Variants in TMBIM4 observed in about 807,000 individuals in gnomAD.
The protein encoded by TMBIM4 is protein lifeguard 4.
Under a neutral mutation model 27.7 loss-of-function variants are expected in TMBIM4, and 28 were observed. The observed-to-expected ratio is 1.01, with a 90% confidence interval of 0.75 to 1.38. TMBIM4 has a LOEUF of 1.38. TMBIM4 is among the 40% of genes most tolerant of loss of function. TMBIM4 has a pLI of 0.00. For missense variants in TMBIM4, 265 were observed against 277.5 expected, an observed-to-expected ratio of 0.95 and a Z score of 0.32; for synonymous variants, 115 against 113.1, an observed-to-expected ratio of 1.02 and a Z score of -0.11.
At position 66,153,339 on chromosome 12, in the gene TMBIM4, C is replaced by T. The variant is rs1291988035; in HGVS notation, c.206+1G>A. The T allele has an allele frequency of 1.3e-6, 2 of 1,510,030 alleles. No individual in the cohort carries two copies. The highest frequency in any genetic ancestry group is 1.8e-6 in the Non-Finnish European group (2 of 1,101,954). The allele number at this position is 1,510,030 out of a possible 1,614,324, so 93.5% of individuals were successfully genotyped here. On this transcript the variant is annotated splice_donor_variant, in intron 2 of 6. Coordinates refer to ENST00000358230, the MANE Select transcript of TMBIM4 (RefSeq NM_016056.4). LOFTEE classifies it high-confidence loss of function. ...TATTCATTACCATCTCATTACCTTA[C>T]CTCTCATGTACAAATGTCCGTACAG...
At chr12:66,164,334 G>C (rs1189154858) in intron 1 of TMBIM4, among the ~76,000 whole-genome samples, 2 of 152,142 alleles carry the variant, frequency 1.3e-5, no homozygotes, top group Non-Finnish European at 2.9e-5. Context: ...CTCAGGCAGA[G>C]AAAAGATAGT....
intron 1 of TMBIM4, among the ~76,000 whole-genome samples, chr12:66,159,474 A>T (rs560996022): frequency 1.3e-5 from 2 of 152,114 alleles, no homozygotes; most frequent in Non-Finnish European, 2.9e-5. Context: ...CCTCCAGTCC[A>T]GCATCTTGAC....
chr12:66,165,827 CCT>C (rs2052117163), intron 1 of TMBIM4, among the ~76,000 whole-genome samples: 1 of 152,026 alleles, frequency 6.6e-6, no homozygotes, highest in Non-Finnish European at 1.5e-5. Context: ...TGGATATTAG[CCT>C]CTTACAGGAT....
intron 1 of TMBIM4, chr12:66,169,270 A>C (rs1017464557): frequency 1.4e-6 from 1 of 700,018 alleles, no homozygotes. Context: ...GTAATAACTT[A>C]AAACACAATT....
At chr12:66,160,431 C>G (rs2052015389) in intron 1 of TMBIM4, 1 of 546,058 alleles carries the variant, frequency 1.8e-6, no homozygotes, top group Non-Finnish European at 3.2e-6. Context: ...CCCTGAGGCA[C>G]TATTTGAAGG....
At chr12:66,153,666 G>A (rs992068874) in intron 1 of TMBIM4, among the ~76,000 whole-genome samples, 1 of 151,784 alleles carries the variant, frequency 6.6e-6, no homozygotes, top group Non-Finnish European at 1.5e-5. Context: ...AAAAGCATGA[G>A]CCTAAAAAAA....
In TMBIM4 at chr12:66,145,951, GA is replaced by G. The variant is rs1285692472; in HGVS notation, c.353del (p.Phe118SerfsTer13). The G allele has an allele frequency of 6.6e-7, 1 of 1,506,168 alleles. No homozygotes were observed. Among genetic ancestry groups the G allele is most frequent in the African/African-American group, 1.4e-5 (1 of 71,758 alleles). 93.3% of individuals were successfully genotyped at this position (1,506,168 alleles called of 1,614,324 possible). A position where few individuals can be genotyped will look rare whatever the true frequency, so the allele number is the denominator to read the frequency against. ...EALTVAVVVTFYDVYIILQAF... is the reference protein window; with the variant it reads ...EALTVAVVVTXYDVYIILQAF... The stretch of plus-strand genomic sequence containing the variant: ...CTTGCAGAATAATATATACATCATA[GA>G]AAGTAACTGTAAAATTAAAACACTG... On this transcript the variant is annotated frameshift_variant, in exon 5 of 7. Transcript: ENST00000358230. LOFTEE classifies it high-confidence loss of function.
chr12:66,145,600 A>T (rs75752811), intron 5 of TMBIM4, among the ~76,000 whole-genome samples: 37 of 149,020 alleles, frequency 2.5e-4, no homozygotes, highest in Middle Eastern at 3.5e-3. Flanking sequence ...TGGAAAGCTT[A>T]TTTTTTTTTT....
chr12:66,163,430 T>C (rs955103708), intron 1 of TMBIM4, among the ~76,000 whole-genome samples: 5 of 152,150 alleles, frequency 3.3e-5, no homozygotes, highest in African/African-American at 1.2e-4. Flanking sequence ...CTCACATTTC[T>C]ACAGCGGGGG....
At chr12:66,143,625 T>C (rs11176059) in intron 5 of TMBIM4, among the ~76,000 whole-genome samples, 11,634 of 152,186 alleles carry the variant, frequency 0.076, 1,007 homozygotes, top group East Asian at 0.51. Flanking sequence ...TACCACAGGA[T>C]AATGATGTTG....
intron 3 of TMBIM4, among the ~76,000 whole-genome samples, chr12:66,148,376 T>G (rs183832163): frequency 6.6e-6 from 1 of 152,210 alleles, no homozygotes; most frequent in Non-Finnish European, 1.5e-5. Flanking sequence ...CATTCTCTCT[T>G]TCTTCCCTAA....
intron 1 of TMBIM4, chr12:66,169,219 G>A (rs1373771326): frequency 2.9e-6 from 2 of 695,936 alleles, no homozygotes; most frequent in Admixed American, 2.0e-5. Context: ...AGATGAAGCT[G>A]AGCATTTTAA....
intron 3 of TMBIM4, among the ~76,000 whole-genome samples, chr12:66,151,538 C>G (rs2051845677): frequency 6.6e-6 from 1 of 152,170 alleles, no homozygotes; most frequent in Non-Finnish European, 1.5e-5. Flanking sequence ...TGCACCCACC[C>G]AAGTATTCTT....
chr12:66,164,938 A>C (rs2052100743), intron 1 of TMBIM4, among the ~76,000 whole-genome samples: 1 of 152,252 alleles, frequency 6.6e-6, no homozygotes, highest in Admixed American at 6.5e-5. Flanking sequence ...ACTAACAATG[A>C]GAAGGTTGGA....
At chr12:66,153,225 C>G (rs961279276) in intron 2 of TMBIM4, 115 bp downstream of exon 2, 1 of 668,082 alleles carries the variant, frequency 1.5e-6, no homozygotes, top group Non-Finnish European at 2.5e-6. Context: ...GTAAATGAAC[C>G]TTTTTTACAT....
chr12:66,136,162 C>G lies in TMBIM4; in HGVS notation c.*1798G>C, dbSNP rs2051579020. ...CTTAGTTTAGTTTATTTATCTATCT[C>G]ATTTAATCCTTATAACAGCCCAATA... On this transcript the variant is annotated 3_prime_UTR_variant, in exon 7 of 7. Coordinates refer to ENST00000358230, the MANE Select transcript of TMBIM4 (RefSeq NM_016056.4). 1.3e-5 allele frequency: 2 copies of G among 149,844 alleles called. No individual in the cohort carries two copies. The highest frequency in any genetic ancestry group is 4.9e-5 in the African/African-American group (2 of 41,094). The allele number at this position is 149,844 out of a possible 1,614,324, so 9.3% of individuals were successfully genotyped here.
chr12:66,162,567 T>G (rs974921826), intron 1 of TMBIM4, among the ~76,000 whole-genome samples: 2 of 152,236 alleles, frequency 1.3e-5, no homozygotes, highest in African/African-American at 4.8e-5. Context: ...AGCCTGGTTT[T>G]ACCTAGCAGC....
At position 66,136,909 on chromosome 12, in the gene TMBIM4, G is replaced by A. The variant is rs2051586561; in HGVS notation, c.*1051C>T. 1 of 152,142 alleles carries A rather than the reference G, an allele frequency of 6.6e-6. No individual in the cohort carries two copies. Among genetic ancestry groups the A allele is most frequent in the African/African-American group, 2.4e-5 (1 of 41,436 alleles). The allele number at this position is 152,142 out of a possible 1,614,324, so 9.4% of individuals were successfully genotyped here. A position where few individuals can be genotyped will look rare whatever the true frequency, so the allele number is the denominator to read the frequency against. ...GTACACTGACCTAACATGCTGTGTG[G>A]ACCAACACAAATGAAACCATAAGAC... On this transcript the variant is annotated 3_prime_UTR_variant, in exon 7 of 7. Coordinates refer to ENST00000358230, the MANE Select transcript of TMBIM4 (RefSeq NM_016056.4).
At chr12:66,168,552 C>G (rs549857717) in intron 1 of TMBIM4, among the ~76,000 whole-genome samples, 2 of 152,278 alleles carry the variant, frequency 1.3e-5, no homozygotes, top group African/African-American at 4.8e-5. Flanking sequence ...AGTAAACAGG[C>G]TGTAACCTAC....
Sources: allele counts gnomAD v4.1 joint callset (sites outside exome capture counted in the v4.1 genomes callset), GRCh38; gene constraint gnomAD v4.1.1; transcripts MANE v1.5; gene names NCBI Gene and HGNC (gene_info 2026-07-23, HGNC 2026-07-21).